NBEA: variants seen among roughly 807,000 people sequenced by gnomAD.
The protein encoded by NBEA is neurobeachin.
NBEA carries 44 observed loss-of-function variants against 343.4 expected under a neutral mutation model. That is an observed-to-expected ratio of 0.13 (90% CI 0.10 to 0.16). The LOEUF (loss-of-function observed/expected upper bound fraction) is 0.16, where lower values mean the gene tolerates loss of function less well. Among genes scored for constraint, NBEA ranks in the 10% least tolerant of loss-of-function variants. NBEA has a pLI of 1.00. For missense variants in NBEA, 2,555 were observed against 3,631.3 expected, an observed-to-expected ratio of 0.70 and a Z score of 7.62; for synonymous variants, 1,175 against 1,238.7, an observed-to-expected ratio of 0.95 and a Z score of 1.08.
Position 34,989,003 on chromosome 13 carries a change from A to G in NBEA, c.294+45889A>G, listed in dbSNP as rs1473642034. ...CTACTATTTGTTGTTTCTTTGTCCC[A>G]TTTGTTTTTTCTTCCTGTGTACCTC... On this transcript the variant is annotated intron_variant, in intron 1 of 58. Coordinates refer to ENST00000379939, the MANE Select transcript of NBEA (RefSeq NM_001385012.1). 2.7e-5 allele frequency among the ~76,000 whole-genome samples: 4 copies of G among 150,462 alleles called. 1 individual carries two copies. The highest frequency in any genetic ancestry group is 5.9e-5 in the Non-Finnish European group (4 of 67,290).
chr13:35,453,282 A>G (rs1003907503), intron 40 of NBEA, among the ~76,000 whole-genome samples: 7 of 152,240 alleles, frequency 4.6e-5, no homozygotes, highest in African/African-American at 1.7e-4. Context: ...AAAATATTTA[A>G]TAAGTTTATT....
chr13:34,999,432 C>G (rs1028988341), intron 1 of NBEA, among the ~76,000 whole-genome samples: 4 of 152,092 alleles, frequency 2.6e-5, no homozygotes, highest in South Asian at 4.1e-4. Context: ...TTTGTTCTCA[C>G]AAGTCCTCTG....
intron 48 of NBEA, among the ~76,000 whole-genome samples, chr13:35,616,472 G>A (rs1038144997): frequency 4.6e-5 from 7 of 152,078 alleles, no homozygotes; most frequent in African/African-American, 1.7e-4. Flanking sequence ...TGACACTCTG[G>A]TCTGTCTCAG....
At chr13:35,171,128 T>A (rs73502446) in intron 25 of NBEA, 144 bp from the exon 26 acceptor site, 2 of 824,168 alleles carry the variant, frequency 2.4e-6, no homozygotes, top group Non-Finnish European at 4.1e-6. Context: ...TCTGGTGATA[T>A]ATGGAATTAG....
chr13:35,024,671 C>G (rs1593501381), intron 1 of NBEA, among the ~76,000 whole-genome samples: 1 of 152,068 alleles, frequency 6.6e-6, no homozygotes, highest in African/African-American at 2.4e-5. Context: ...CAGAGCAAAA[C>G]TCTGTCTCAA....
intron 34 of NBEA, among the ~76,000 whole-genome samples, chr13:35,252,625 A>G (rs184870731): frequency 2.0e-4 from 31 of 152,216 alleles, no homozygotes; most frequent in Admixed American, 1.5e-3. Flanking sequence ...TTTGAGGATG[A>G]TGGATATGTA....
At chr13:35,378,213 TG>T (rs1484250798) in intron 38 of NBEA, among the ~76,000 whole-genome samples, 4 of 152,200 alleles carry the variant, frequency 2.6e-5, no homozygotes, top group Non-Finnish European at 5.9e-5. Flanking sequence ...CAAATATCTT[TG>T]CTTCTAGAAA....
intron 41 of NBEA, among the ~76,000 whole-genome samples, chr13:35,508,308 G>A (rs1279953228): frequency 6.6e-6 from 1 of 152,170 alleles, no homozygotes; most frequent in Non-Finnish European, 1.5e-5. Context: ...AGACCAGAGA[G>A]GGAAGTGCTC....
rs146864197 is a variant in NBEA at position 34,950,007 on chromosome 13, C to T, written c.294+6893C>T. On this transcript the variant is annotated intron_variant, in intron 1 of 58. Coordinates refer to ENST00000379939, the MANE Select transcript of NBEA (RefSeq NM_001385012.1). ...GGACTCTAATGTTATAGATTTCTGA[C>T]GGTTTTGGCTGCCTAGCATCCATTC... Among the ~76,000 whole-genome samples the T allele has an allele frequency of 6.5e-3, 983 of 152,198 alleles. 27 individuals are homozygous for T. Among genetic ancestry groups the T allele is most frequent in the Admixed American group, 0.053 (803 of 15,282 alleles).
chr13:35,655,486 G>T, intron 54 of NBEA, 93 bp from the exon 55 acceptor site: 1 of 1,271,106 alleles, frequency 7.9e-7, no homozygotes, highest in South Asian at 1.7e-5. Context: ...TTAAAAATAT[G>T]GTAAAATTTT....
chr13:35,201,201 G>C (rs1272042184), intron 31 of NBEA, among the ~76,000 whole-genome samples: 1 of 151,900 alleles, frequency 6.6e-6, no homozygotes, highest in African/African-American at 2.4e-5. Context: ...ATTCAGTTTT[G>C]ACTGAGCATG....
At chr13:35,076,464 A>G (rs1280605089) in intron 10 of NBEA, among the ~76,000 whole-genome samples, 1 of 152,106 alleles carries the variant, frequency 6.6e-6, no homozygotes, top group Non-Finnish European at 1.5e-5. Flanking sequence ...ATCAGGAAAC[A>G]TTACATTTAA....
intron 48 of NBEA, among the ~76,000 whole-genome samples, chr13:35,615,059 G>T (rs182721335): frequency 2.7e-5 from 4 of 149,056 alleles, no homozygotes; most frequent in African/African-American, 9.9e-5. Context: ...AAGGCAGATC[G>T]ATCGCTTGAG....
At chr13:35,130,329 G>A (rs2067348220) in intron 17 of NBEA, among the ~76,000 whole-genome samples, 1 of 152,000 alleles carries the variant, frequency 6.6e-6, no homozygotes, top group African/African-American at 2.4e-5. Context: ...AAATGTAAAG[G>A]ATGAGTTGGG....
At chr13:35,600,561 A>G (rs774526144) in intron 47 of NBEA, among the ~76,000 whole-genome samples, 1 of 152,224 alleles carries the variant, frequency 6.6e-6, no homozygotes, top group South Asian at 2.1e-4. Flanking sequence ...AATTGAGACC[A>G]AATAGCTTCT....
intron 36 of NBEA, among the ~76,000 whole-genome samples, chr13:35,312,842 G>A (rs2037460732): frequency 6.6e-6 from 1 of 152,180 alleles, no homozygotes; most frequent in Non-Finnish European, 1.5e-5. Flanking sequence ...GGCTAGGAGA[G>A]TACAGAAAGC....
At position 35,218,458 on chromosome 13, in the gene NBEA, T is replaced by C. The variant is rs150845017; in HGVS notation, c.5648+7279T>C. 5.7e-3 allele frequency among the ~76,000 whole-genome samples: 855 copies of C among 151,216 alleles called. 6 individuals are homozygous for C. The highest frequency in any genetic ancestry group is 0.018 in the African/African-American group (743 of 41,212). On this transcript the variant is annotated intron_variant, in intron 33 of 58. Transcript: ENST00000379939. ...CTGTCATCCACGAATAATGGGGGAG[T>C]TTTTTCTCCCATTAAAATCCTTGCA...
In NBEA at chr13:35,671,188, C is replaced by G. The variant is rs996955640; in HGVS notation, c.*197C>G. ...TTCACGACTGAACACCAGCTGCTAT[C>G]AAGCAAGCTTATATCATGTAAATTA... is the stretch of plus-strand genomic sequence containing the variant. On this transcript the variant is annotated 3_prime_UTR_variant, in exon 59 of 59. Transcript: ENST00000379939. The G allele has an allele frequency of 9.2e-6, 5 of 540,732 alleles. No homozygotes were observed. The highest frequency in any genetic ancestry group is 5.4e-5 in the South Asian group (2 of 37,074). The allele number at this position is 540,732 out of a possible 1,614,324, so 33.5% of individuals were successfully genotyped here.
At chr13:35,445,243 T>C (rs1321058298) in intron 39 of NBEA, among the ~76,000 whole-genome samples, 1 of 152,106 alleles carries the variant, frequency 6.6e-6, no homozygotes, top group Non-Finnish European at 1.5e-5. Context: ...TTATAAGCAA[T>C]AAAGCATTAA....
Sources: gnomAD v4.1 joint callset for allele counts (sites outside exome capture counted in the v4.1 genomes callset) on GRCh38, gnomAD v4.1.1 for gene constraint, MANE v1.5 for transcripts, NCBI Gene and HGNC (gene_info 2026-07-23, HGNC 2026-07-21) for gene names.